Variants in SLC2A9 observed in about 807,000 individuals in gnomAD.
The protein encoded by SLC2A9 is solute carrier family 2 member 9.
In SLC2A9, 39 loss-of-function variants were observed where a neutral mutation model predicts 50.6. The observed-to-expected ratio is 0.77, with a 90% CI of 0.60 to 1.01. SLC2A9 has a LOEUF of 1.01. SLC2A9 is among the 50% of genes least tolerant of loss of function. The probability of loss-of-function intolerance (pLI) is 0.00; values close to 1 mark genes in which losing one functional copy is unlikely to be tolerated. For synonymous variants in SLC2A9, 324 were observed against 276.9 expected, an observed-to-expected ratio of 1.17 and a Z score of -1.69; for missense variants, 686 against 677.6, an observed-to-expected ratio of 1.01 and a Z score of -0.14.
rs884574 is a variant in SLC2A9 at position 9,868,105 on chromosome 4, G to C, written c.1291+19462C>G. On this transcript the variant is annotated intron_variant, in intron 10 of 11. Transcript: ENST00000264784. ...AAGTGGTGGATTTGCGCCTGACCCG[G>C]GATAGTCCCATGCCCTCCTCTGTTG... 5.6e-3 allele frequency among the ~76,000 whole-genome samples: 858 copies of C among 152,306 alleles called. 6 individuals are homozygous for C. The highest frequency in any genetic ancestry group is 0.019 in the African/African-American group (807 of 41,576).
At chr4:9,999,727 T>C (rs1263607267) in intron 2 of SLC2A9, among the ~76,000 whole-genome samples, 1 of 152,008 alleles carries the variant, frequency 6.6e-6, no homozygotes, top group African/African-American at 2.4e-5. Context: ...GGGAAAGTAT[T>C]GGAGGGTTTT....
intron 10 of SLC2A9, 92 bp downstream of exon 10, chr4:9,887,475 C>T (rs1179364462): frequency 7.8e-7 from 1 of 1,288,334 alleles, no homozygotes; most frequent in African/African-American, 1.5e-5. Flanking sequence ...TTCTTCTGGG[C>T]TCTGGGTTCC....
upstream of SLC2A9, among the ~76,000 whole-genome samples, chr4:10,023,523 G>A (rs1763651195): frequency 6.6e-6 from 1 of 152,156 alleles, no homozygotes; most frequent in Non-Finnish European, 1.5e-5. Context: ...AAATTGCTTC[G>A]TAGTCCTCTG....
intron 3 of SLC2A9, among the ~76,000 whole-genome samples, chr4:9,790,659 C>A (rs187329962): frequency 9.3e-4 from 142 of 152,206 alleles, no homozygotes; most frequent in African/African-American, 2.7e-3. Context: ...CTCCGTAGCC[C>A]CTAAACCTGT....
At chr4:9,885,717 A>G (rs1736081130) in intron 10 of SLC2A9, among the ~76,000 whole-genome samples, 1 of 152,212 alleles carries the variant, frequency 6.6e-6, no homozygotes, top group Non-Finnish European at 1.5e-5. Context: ...CTTATTTTCT[A>G]GCCTGGAGGA....
chr4:9,796,056 A>C (rs967370560), downstream of SLC2A9, among the ~76,000 whole-genome samples: 2 of 152,214 alleles, frequency 1.3e-5, no homozygotes, highest in Admixed American at 1.3e-4. Flanking sequence ...CACACAGTAC[A>C]TGTGGCACGG....
intron 7 of SLC2A9, among the ~76,000 whole-genome samples, chr4:9,918,982 T>A (rs874432): frequency 0.28 from 43,253 of 151,984 alleles, 7,045 homozygotes; most frequent in African/African-American, 0.43. Flanking sequence ...TAGAGGAATT[T>A]ATGAAGTTAT....
intron 10 of SLC2A9, among the ~76,000 whole-genome samples, chr4:9,869,589 G>C (rs992670862): frequency 6.6e-6 from 1 of 152,172 alleles, no homozygotes; most frequent in Non-Finnish European, 1.5e-5. Flanking sequence ...TGACACACCA[G>C]GCAGATGGGA....
At chr4:9,781,962 G>A (rs1289155524) in intron 3 of SLC2A9, 3 of 1,326,264 alleles carry the variant, frequency 2.3e-6, no homozygotes, top group Admixed American at 3.2e-5. Context: ...GTGCCCGATG[G>A]GGCTGCCTGG....
intron 3 of SLC2A9, among the ~76,000 whole-genome samples, chr4:9,801,980 A>G (rs948299323): frequency 2.0e-5 from 3 of 152,140 alleles, no homozygotes; most frequent in Non-Finnish European, 2.9e-5. Flanking sequence ...CAGCTGATTG[A>G]TTGGGCAGCT....
At chr4:9,913,657 C>A (rs1742317712) in intron 7 of SLC2A9, among the ~76,000 whole-genome samples, 1 of 152,160 alleles carries the variant, frequency 6.6e-6, no homozygotes, top group Non-Finnish European at 1.5e-5. Context: ...CCTCTTGCAT[C>A]CCCTGGGCTC....
chr4:10,027,052 A>G (rs1441594961), intron 1 of SLC2A9, among the ~76,000 whole-genome samples: 2 of 142,126 alleles, frequency 1.4e-5, no homozygotes, highest in South Asian at 4.3e-4. Context: ...TCAAAAAAAC[A>G]AAAAAAAAAA....
At chr4:9,832,141 G>T (rs899494815) in intron 11 of SLC2A9, among the ~76,000 whole-genome samples, 12 of 152,188 alleles carry the variant, frequency 7.9e-5, no homozygotes, top group African/African-American at 2.7e-4. Context: ...CTTGATTGTG[G>T]CTGAGCTGGT....
At chr4:9,795,773 C>T (rs1478174674), downstream of SLC2A9, among the ~76,000 whole-genome samples, 1 of 152,192 alleles carries the variant, frequency 6.6e-6, no homozygotes, top group Non-Finnish European at 1.5e-5. Flanking sequence ...GGTCCTTTGT[C>T]CCTGAGTCCT....
chr4:9,772,208 A>G (rs1489494009), intron 1 of SLC2A9, among the ~76,000 whole-genome samples: 1 of 152,196 alleles, frequency 6.6e-6, no homozygotes, highest in Admixed American at 6.5e-5. Flanking sequence ...TCTGGCAGCC[A>G]TGCAAGCAAA....
intron 3 of SLC2A9, among the ~76,000 whole-genome samples, chr4:9,990,412 T>C (rs1199474110): frequency 1.3e-5 from 2 of 152,122 alleles, no homozygotes; most frequent in Non-Finnish European, 2.9e-5. Context: ...GGTTCTTACG[T>C]TGAAGGGCTC....
chr4:9,898,522 G>C (rs1166017515), intron 8 of SLC2A9, among the ~76,000 whole-genome samples: 1 of 152,138 alleles, frequency 6.6e-6, no homozygotes, highest in Non-Finnish European at 1.5e-5. Context: ...GCGGTACTCC[G>C]TGCATGGCAG....
chr4:9,801,569 T>C lies in SLC2A9; in HGVS notation n.421-2328A>G, dbSNP rs1039109392. On this transcript the variant is annotated intron_variant and non_coding_transcript_variant, in intron 3 of 3. Coordinates refer to the SLC2A9 transcript ENST00000503280. ...AACCCAGTGAGTCTCATCCCCATCGTTGAGGGTGGTTCTCGCAGACATTAA... is the reference window on the plus strand; with the variant it reads ...AACCCAGTGAGTCTCATCCCCATCGCTGAGGGTGGTTCTCGCAGACATTAA... Among the ~76,000 whole-genome samples the C allele has an allele frequency of 3.3e-5, 5 of 152,256 alleles. No individual in the cohort carries two copies. The East Asian group carries it at 5.8e-4, about 18-fold the overall frequency.
intron 8 of SLC2A9, among the ~76,000 whole-genome samples, chr4:9,898,968 A>G (rs1739093009): frequency 6.6e-6 from 1 of 151,712 alleles, no homozygotes; most frequent in Non-Finnish European, 1.5e-5. Context: ...AACATGATGC[A>G]TGACACACAC....
Sources: allele counts gnomAD v4.1 joint callset (sites outside exome capture counted in the v4.1 genomes callset), GRCh38; gene constraint gnomAD v4.1.1; transcripts MANE v1.5; gene names NCBI Gene and HGNC (gene_info 2026-07-23, HGNC 2026-07-21).